Variants in PRMT3 observed in about 807,000 individuals in gnomAD.
PRMT3 encodes the protein protein arginine methyltransferase 3.
In PRMT3, 62 loss-of-function variants were observed where a neutral mutation model predicts 71.9. The ratio of observed to expected loss-of-function variants is 0.86; its 90% CI spans 0.70 to 1.07. The LOEUF is 1.07. PRMT3 is among the 50% of genes least tolerant of loss of function. PRMT3 has a pLI of 0.00. For missense variants in PRMT3, 663 were observed against 643.0 expected, an observed-to-expected ratio of 1.03 and a Z score of -0.34; for synonymous variants, 213 against 220.4, an observed-to-expected ratio of 0.97 and a Z score of 0.30.
intron 15 of PRMT3, among the ~76,000 whole-genome samples, chr11:20,501,658 A>C (rs1851460737): frequency 1.3e-5 from 2 of 152,230 alleles, no homozygotes; most frequent in African/African-American, 4.8e-5. Context: ...TCCAGAAGGT[A>C]ATATGACAAG....
Position 20,426,640 on chromosome 11 carries a change from A to T in PRMT3, c.894-126A>T, listed in dbSNP as rs1039304156. On this transcript the variant is annotated intron_variant, in intron 9 of 15. Transcript: ENST00000331079. ...AAATAATTACAATGTCCAAAGAACA[A>T]CTAAGCTTTGATTGAAATACTTTTT... 13 of 1,041,426 alleles carry T rather than the reference A, an allele frequency of 1.2e-5. No homozygotes were observed. The African/African-American group carries it at 2.0e-4, about 16-fold the overall frequency. The allele number at this position is 1,041,426 out of a possible 1,614,324, so 64.5% of individuals were successfully genotyped here. A position where few individuals can be genotyped will look rare whatever the true frequency, so the allele number is the denominator to read the frequency against.
At chr11:20,453,578 C>A (rs1224365724) in intron 11 of PRMT3, among the ~76,000 whole-genome samples, 2 of 151,846 alleles carry the variant, frequency 1.3e-5, no homozygotes, top group African/African-American at 4.8e-5. Context: ...AATGGATTGC[C>A]TTTCTTTTTC....
rs539220421 is a variant in PRMT3 at position 20,477,340 on chromosome 11, C to G, written c.1347+12794C>G. On this transcript the variant is annotated intron_variant, in intron 13 of 15. Coordinates refer to ENST00000331079, the MANE Select transcript of PRMT3 (RefSeq NM_005788.4). ...GCTGTAATCCCAGCACTTTTGGAGG[C>G]TGAGGCGGGCAGATCACCTGAGGTC... is the stretch of plus-strand genomic sequence containing the variant. Among the ~76,000 whole-genome samples, 14 of 152,174 alleles carry G rather than the reference C, an allele frequency of 9.2e-5. No individual in the cohort carries two copies. The South Asian group carries it at 2.9e-3, about 32-fold the overall frequency.
At position 20,508,695 on chromosome 11, in the gene PRMT3, A is replaced by T. The variant is rs1229537044; in HGVS notation, c.*282A>T. The T allele has an allele frequency of 6.1e-6, 3 of 492,016 alleles. No individual in the cohort carries two copies. Among genetic ancestry groups the T allele is most frequent in the Non-Finnish European group, 1.2e-5 (3 of 256,556 alleles). 30.5% of individuals were successfully genotyped at this position (492,016 alleles called of 1,614,324 possible). A position where few individuals can be genotyped will look rare whatever the true frequency, so the allele number is the denominator to read the frequency against. ...CACATTGAGTTTATCTATATTGAAA[A>T]TCATTTACATTGGCCTATATTTGGA... On this transcript the variant is annotated 3_prime_UTR_variant, in exon 16 of 16. Transcript: ENST00000331079.
intron 11 of PRMT3, among the ~76,000 whole-genome samples, chr11:20,455,438 T>C (rs1850247082): frequency 6.6e-6 from 1 of 152,134 alleles, no homozygotes; most frequent in Non-Finnish European, 1.5e-5. Context: ...TGGTAGATCC[T>C]GTCTATGTCT....
chr11:20,437,835 C>T lies in PRMT3; in HGVS notation c.993+10970C>T, dbSNP rs1244719503. ...CAATCTCCTGACCTCGTGATCCGCCCGCCTCGGCCTCCCAAAGTGCTGGGA... is the reference window on the plus strand; with the variant it reads ...CAATCTCCTGACCTCGTGATCCGCCTGCCTCGGCCTCCCAAAGTGCTGGGA... On this transcript the variant is annotated intron_variant, in intron 10 of 15. Transcript: ENST00000331079. 3.3e-5 allele frequency among the ~76,000 whole-genome samples: 5 copies of T among 151,966 alleles called. 1 individual carries two copies. The highest frequency in any genetic ancestry group is 4.1e-4 in the South Asian group (2 of 4,820).
chr11:20,407,822 C>T, intron 8 of PRMT3, 89 bp from the exon 9 acceptor site: 1 of 1,298,976 alleles, frequency 7.7e-7, no homozygotes, highest in African/African-American at 1.5e-5. Context: ...TTTTCCTAGC[C>T]AGAAACATCA....
intron 10 of PRMT3, among the ~76,000 whole-genome samples, chr11:20,442,177 A>G (rs1021503528): frequency 6.6e-6 from 1 of 152,182 alleles, no homozygotes; most frequent in African/African-American, 2.4e-5. Flanking sequence ...TTTCTTATAG[A>G]ATGTATCTCA....
intron 9 of PRMT3, among the ~76,000 whole-genome samples, chr11:20,411,615 A>C (rs756390793): frequency 5.3e-5 from 8 of 152,134 alleles, no homozygotes; most frequent in Non-Finnish European, 1.0e-4. Flanking sequence ...TAATGTTAGC[A>C]GTCAGAGAAA....
chr11:20,503,861 G>A (rs959627829), intron 15 of PRMT3, among the ~76,000 whole-genome samples: 20 of 152,070 alleles, frequency 1.3e-4, no homozygotes, highest in Middle Eastern at 6.8e-3. Context: ...GGAATTACTG[G>A]GTCTTATGGT....
At chr11:20,459,934 GT>G (rs914636846) in intron 11 of PRMT3, among the ~76,000 whole-genome samples, 2 of 152,208 alleles carry the variant, frequency 1.3e-5, no homozygotes, top group African/African-American at 4.8e-5. Flanking sequence ...GAAGGGCAGA[GT>G]TTGCATGGCA....
chr11:20,481,142 T>C (rs921133754), intron 13 of PRMT3, among the ~76,000 whole-genome samples: 3 of 152,178 alleles, frequency 2.0e-5, no homozygotes, highest in African/African-American at 7.2e-5. Flanking sequence ...AGGATGTATT[T>C]TTTAACCTAT....
intron 15 of PRMT3, among the ~76,000 whole-genome samples, chr11:20,502,114 T>C (rs1851471343): frequency 6.6e-6 from 1 of 152,224 alleles, no homozygotes; most frequent in South Asian, 2.1e-4. Context: ...CTTTGTGATA[T>C]ACTAACAGCC....
chr11:20,398,095 C>G (rs1185743324), intron 7 of PRMT3, among the ~76,000 whole-genome samples: 1 of 149,854 alleles, frequency 6.7e-6, no homozygotes, highest in Non-Finnish European at 1.5e-5. Context: ...TTTATGAAAT[C>G]ACTTTTTCCT....
intron 13 of PRMT3, among the ~76,000 whole-genome samples, chr11:20,490,355 T>C (rs1348933777): frequency 6.6e-6 from 1 of 152,206 alleles, no homozygotes; most frequent in Non-Finnish European, 1.5e-5. Flanking sequence ...GTTAACTATA[T>C]CTGTCATTTT....
chr11:20,504,271 C>T (rs934125168), intron 15 of PRMT3, among the ~76,000 whole-genome samples: 3 of 152,290 alleles, frequency 2.0e-5, no homozygotes, highest in East Asian at 1.9e-4. Context: ...CCGATTTAAT[C>T]GCCTTGGCTC....
At chr11:20,483,942 G>C (rs7933463) in intron 13 of PRMT3, among the ~76,000 whole-genome samples, 148,180 of 152,324 alleles carry the variant, frequency 0.97, 72,397 homozygotes, top group Middle Eastern at 1. Flanking sequence ...GCATCTGATA[G>C]CAGTTTTGAG....
chr11:20,407,673 C>T (rs1849100515), intron 8 of PRMT3: 1 of 310,802 alleles, frequency 3.2e-6, no homozygotes, highest in Non-Finnish European at 6.0e-6. Flanking sequence ...GGAGTCAATA[C>T]TAATAAATTA....
chr11:20,409,654 AAC>A (rs60686099), intron 9 of PRMT3, among the ~76,000 whole-genome samples: 15,800 of 144,210 alleles, frequency 0.11, 951 homozygotes, highest in Middle Eastern at 0.17. Flanking sequence ...GGAATACACA[AAC>A]ACACACACAC....
Sources: allele counts gnomAD v4.1 joint callset (sites outside exome capture counted in the v4.1 genomes callset), GRCh38; gene constraint gnomAD v4.1.1; transcripts MANE v1.5; gene names NCBI Gene and HGNC (gene_info 2026-07-23, HGNC 2026-07-21).